The following ACSS3 variants were observed in gnomAD, a reference collection of about 807,000 sequenced individuals.
ACSS3 encodes acyl-CoA synthetase short-chain family member 3, mitochondrial.
ACSS3 carries 64 observed loss-of-function variants against 84.2 expected under a neutral mutation model. That is an observed-to-expected ratio of 0.76 (90% CI 0.62 to 0.94). The LOEUF (loss-of-function observed/expected upper bound fraction) is 0.94. ACSS3 is among the 40% of genes least tolerant of loss of function. The pLI is 0.00. For missense variants in ACSS3, 815 were observed against 867.6 expected (o/e 0.94, Z 0.76); for synonymous variants, 317 against 310.1 (o/e 1.02, Z -0.23).
In ACSS3 at chr12:81,192,846, A is replaced by T. The variant is rs149256372; in HGVS notation, c.1251-6495A>T. On this transcript the variant is annotated intron_variant, in intron 8 of 15. Transcript: ENST00000548058. Reference sequence around the variant, plus strand: ...GACAATCAGTCTTATGTCTCTCTACATTTTTCTTTTTGGCCTTTTGATGCC... The same window carrying T: ...GACAATCAGTCTTATGTCTCTCTACTTTTTTCTTTTTGGCCTTTTGATGCC... Among the ~76,000 whole-genome samples the T allele has an allele frequency of 5.5e-3, 837 of 151,846 alleles. 9 individuals carry two copies. Among genetic ancestry groups the T allele is most frequent in the African/African-American group, 0.016 (666 of 41,416 alleles).
intron 2 of ACSS3, among the ~76,000 whole-genome samples, chr12:81,130,704 T>C (rs1464460714): frequency 6.6e-6 from 1 of 152,218 alleles, no homozygotes; most frequent in Non-Finnish European, 1.5e-5. Context: ...TCCTTGCCCA[T>C]GCCTATGTCC....
intron 2 of ACSS3, chr12:81,125,932 T>G (rs568548301): frequency 4.6e-5 from 7 of 152,338 alleles, no homozygotes; most frequent in Non-Finnish European, 1.0e-4. Context: ...ATAATCGAGT[T>G]TATGCAATAA....
chr12:81,213,840 T>TCTCTTCTCTCCTCTC (rs1372554843), intron 9 of ACSS3, among the ~76,000 whole-genome samples: 24 of 25,924 alleles, frequency 9.3e-4, no homozygotes, highest in Middle Eastern at 0.029. Context: ...TCTCTTCTCT[T>TCTCTTCTCTCCTCTC]CTCTCCTCTC....
intron 13 of ACSS3, 152 bp downstream of exon 13, chr12:81,233,623 C>T: frequency 1.0e-6 from 1 of 969,342 alleles, no homozygotes; most frequent in Non-Finnish European, 1.5e-6. Context: ...ACCTCACTTT[C>T]TCTTTTAGAT....
At chr12:81,197,619 T>C (rs1181306925) in intron 8 of ACSS3, among the ~76,000 whole-genome samples, 1 of 152,144 alleles carries the variant, frequency 6.6e-6, no homozygotes, top group Non-Finnish European at 1.5e-5. Flanking sequence ...ATACTCCTCT[T>C]TCCCTCTGTG....
intron 5 of ACSS3, among the ~76,000 whole-genome samples, chr12:81,148,011 T>TAA (rs761710980): frequency 6.6e-6 from 1 of 151,404 alleles, no homozygotes; most frequent in African/African-American, 2.4e-5. Context: ...CATATGTAAA[T>TAA]ATATATATAT....
intron 8 of ACSS3, among the ~76,000 whole-genome samples, chr12:81,179,490 A>C (rs978424953): frequency 6.6e-6 from 1 of 151,964 alleles, no homozygotes; most frequent in Non-Finnish European, 1.5e-5. Context: ...ACAAACAAAA[A>C]CCAAACAACC....
chr12:81,146,441 T>C (rs1025850669), intron 5 of ACSS3, among the ~76,000 whole-genome samples: 1 of 152,218 alleles, frequency 6.6e-6, no homozygotes, highest in Non-Finnish European at 1.5e-5. Context: ...CCTCAATCCT[T>C]GATCTTCATG....
At chr12:81,227,056 T>C (rs1475378354) in intron 11 of ACSS3, among the ~76,000 whole-genome samples, 1 of 151,244 alleles carries the variant, frequency 6.6e-6, no homozygotes, top group African/African-American at 2.4e-5. Context: ...AATTAGCTCA[T>C]GCAGTTGTGA....
intron 13 of ACSS3, among the ~76,000 whole-genome samples, chr12:81,246,465 G>A (rs1565742691): frequency 6.6e-6 from 1 of 151,932 alleles, no homozygotes; most frequent in Non-Finnish European, 1.5e-5. Flanking sequence ...TTAGTCCTCG[G>A]GCCAGATTAT....
chr12:81,186,454 T>C lies in ACSS3; in HGVS notation c.1250+11515T>C, dbSNP rs570465913. 2.0e-4 allele frequency among the ~76,000 whole-genome samples: 31 copies of C among 151,886 alleles called. 1 individual carries two copies. In the South Asian group the frequency reaches 4.1e-3, roughly 20 times the overall value. Reference sequence around the variant, plus strand: ...AAGTGGGAAAGATATTCACAACTCATATATCTGATAAAGGGTTAATATCCA... The same window carrying C: ...AAGTGGGAAAGATATTCACAACTCACATATCTGATAAAGGGTTAATATCCA... On this transcript the variant is annotated intron_variant, in intron 8 of 15. Coordinates refer to ENST00000548058, the MANE Select transcript of ACSS3 (RefSeq NM_024560.4).
At chr12:81,078,662 A>T (rs935762049) in intron 1 of ACSS3, among the ~76,000 whole-genome samples, 3 of 152,092 alleles carry the variant, frequency 2.0e-5, no homozygotes, top group African/African-American at 4.8e-5. Context: ...TAAACGGGAG[A>T]TTTACCTGAC....
chr12:81,213,096 C>T (rs1027067613), intron 9 of ACSS3, among the ~76,000 whole-genome samples: 1 of 152,142 alleles, frequency 6.6e-6, no homozygotes, highest in Non-Finnish European at 1.5e-5. Flanking sequence ...GTAGCTATTT[C>T]CCAATTGCAA....
intron 5 of ACSS3, among the ~76,000 whole-genome samples, chr12:81,143,707 T>C (rs1886198356): frequency 6.6e-6 from 1 of 152,168 alleles, no homozygotes; most frequent in African/African-American, 2.4e-5. Context: ...TTATTTATTA[T>C]GAATGTGATT....
chr12:81,109,692 A>C lies in ACSS3; in HGVS notation c.444A>C (p.Glu148Asp). The C allele has an allele frequency of 6.3e-7, 1 of 1,598,378 alleles. No homozygotes were observed. Among genetic ancestry groups the C allele is most frequent in the Non-Finnish European group, 8.5e-7 (1 of 1,174,562 alleles). Residue 148 changes from glutamate (E) to aspartate (D), a missense_variant, in exon 2 of 16, where the codon GAA (glutamate) becomes GAC (aspartate). Physicochemically the swap from Glu to Asp is conservative, Grantham distance 45. Transcript: ENST00000548058. ...CTAAAGCAACCTTTACCTATAAAGAAGTTCTGGAGCAGGTAATATCATAAA... is the reference window on the plus strand; with the variant it reads ...CTAAAGCAACCTTTACCTATAAAGACGTTCTGGAGCAGGTAATATCATAAA... The part of the protein sequence containing the change: ...TNTKATFTYK[E>D]VLEQVSKLAG...
intron 2 of ACSS3, among the ~76,000 whole-genome samples, chr12:81,118,354 C>G (rs1192025456): frequency 6.6e-6 from 1 of 152,178 alleles, no homozygotes; most frequent in Non-Finnish European, 1.5e-5. Context: ...CATCTTATAG[C>G]TCATTGCCTT....
intron 8 of ACSS3, among the ~76,000 whole-genome samples, chr12:81,188,594 A>G (rs2031402585): frequency 6.6e-6 from 1 of 151,762 alleles, no homozygotes; most frequent in Non-Finnish European, 1.5e-5. Flanking sequence ...TGTTTTTTTG[A>G]ACTTGATATA....
chr12:81,155,727 A>G (rs1437162768), intron 7 of ACSS3, among the ~76,000 whole-genome samples: 1 of 152,196 alleles, frequency 6.6e-6, no homozygotes, highest in African/African-American at 2.4e-5. Flanking sequence ...TCATGCACAA[A>G]TATGTCATGT....
rs373993791 is a variant in ACSS3 at position 81,139,721 on chromosome 12, C to T, written c.780+456C>T. Among the ~76,000 whole-genome samples, 25 of 151,250 alleles carry T rather than the reference C, an allele frequency of 1.7e-4. No homozygotes were observed. In the South Asian group the frequency reaches 4.6e-3, roughly 28 times the overall value. ...GCCGATGTCCGCTCATTGCAAGCTC[C>T]GCCCCCTGGGTTCATGCCATTCTCC... On this transcript the variant is annotated intron_variant, in intron 4 of 15. Transcript: ENST00000548058.
Sources: gnomAD v4.1 joint callset for allele counts (sites outside exome capture counted in the v4.1 genomes callset) on GRCh38, gnomAD v4.1.1 for gene constraint, MANE v1.5 for transcripts, NCBI Gene and HGNC (gene_info 2026-07-23, HGNC 2026-07-21) for gene names.